SSBP3: variants seen among roughly 807,000 people sequenced by gnomAD.
SSBP3 encodes single stranded DNA binding protein 3.
SSBP3 carries 5 observed loss-of-function variants against 69.6 expected under a neutral mutation model. That is an observed-to-expected ratio of 0.07 (90% CI 0.04 to 0.15). SSBP3 has a LOEUF of 0.15. SSBP3 is among the 10% of genes least tolerant of loss of function. The pLI is 1.00. For synonymous variants in SSBP3, 196 were observed against 193.4 expected, an observed-to-expected ratio of 1.01 and a Z score of -0.11; for missense variants, 312 against 534.0, an observed-to-expected ratio of 0.58 and a Z score of 4.10.
intron 4 of SSBP3, among the ~76,000 whole-genome samples, chr1:54,349,027 A>G (rs941558516): frequency 6.6e-6 from 1 of 152,218 alleles, no homozygotes; most frequent in African/African-American, 2.4e-5. Context: ...ACAGGTAAGC[A>G]CCTACCCATT....
intron 4 of SSBP3, among the ~76,000 whole-genome samples, chr1:54,341,325 G>A (rs1027901601): frequency 1.1e-4 from 16 of 152,108 alleles, no homozygotes; most frequent in African/African-American, 3.6e-4. Flanking sequence ...CTGGCCAGAC[G>A]TCTCCCCTTT....
At chr1:54,368,158 C>A (rs1461838644) in intron 4 of SSBP3, among the ~76,000 whole-genome samples, 1 of 151,786 alleles carries the variant, frequency 6.6e-6, no homozygotes, top group African/African-American at 2.4e-5. Flanking sequence ...AAAAGTTAGC[C>A]ATGGTGGTGC....
At chr1:54,345,386 C>T (rs988467981) in intron 4 of SSBP3, among the ~76,000 whole-genome samples, 2 of 152,120 alleles carry the variant, frequency 1.3e-5, no homozygotes, top group African/African-American at 4.8e-5. Context: ...AAAAACCACC[C>T]GAGTCTCAGC....
chr1:54,351,342 A>G (rs1210162692), intron 4 of SSBP3, among the ~76,000 whole-genome samples: 1 of 152,228 alleles, frequency 6.6e-6, no homozygotes, highest in Non-Finnish European at 1.5e-5. Context: ...CAGGTATAAA[A>G]TGGCAGCAAT....
At chr1:54,260,133 G>C (rs1171814369) in intron 5 of SSBP3, among the ~76,000 whole-genome samples, 3 of 152,178 alleles carry the variant, frequency 2.0e-5, no homozygotes, top group East Asian at 3.9e-4. Flanking sequence ...CAAGTCTTTT[G>C]TACCACGTAA....
chr1:54,405,289 G>A (rs1007419248), intron 1 of SSBP3, among the ~76,000 whole-genome samples: 17 of 152,146 alleles, frequency 1.1e-4, no homozygotes, highest in Non-Finnish European at 5.9e-5. Flanking sequence ...AGCTTTGGAG[G>A]TCCGAGGAGA....
At chr1:54,361,620 G>A (rs1646953866) in intron 4 of SSBP3, among the ~76,000 whole-genome samples, 1 of 152,122 alleles carries the variant, frequency 6.6e-6, no homozygotes, top group African/African-American at 2.4e-5. Context: ...TGCGGAACCT[G>A]TTCTCGCAGA....
intron 4 of SSBP3, among the ~76,000 whole-genome samples, chr1:54,379,040 A>G (rs1209407076): frequency 6.6e-6 from 1 of 152,042 alleles, no homozygotes; most frequent in Non-Finnish European, 1.5e-5. Flanking sequence ...CCCCGCCCCA[A>G]CCCACTTGTT....
chr1:54,412,678 A>G (rs1650022119), intron 1 of SSBP3: 1 of 152,216 alleles, frequency 6.6e-6, no homozygotes, highest in Non-Finnish European at 1.5e-5. Flanking sequence ...GTACGCTATA[A>G]AAGAGTTACA....
At chr1:54,346,614 A>T (rs889374527) in intron 4 of SSBP3, among the ~76,000 whole-genome samples, 2 of 152,058 alleles carry the variant, frequency 1.3e-5, no homozygotes, top group African/African-American at 4.8e-5. Context: ...GGAGATCGAG[A>T]CCATCCTGAC....
intron 4 of SSBP3, among the ~76,000 whole-genome samples, chr1:54,283,988 A>T (rs956321820): frequency 6.6e-5 from 10 of 152,122 alleles, no homozygotes; most frequent in African/African-American, 2.4e-4. Flanking sequence ...AGAGCAAAAA[A>T]CTTTTTTTAA....
intron 4 of SSBP3, among the ~76,000 whole-genome samples, chr1:54,363,257 AGT>A (rs1255032332): frequency 6.6e-6 from 1 of 152,190 alleles, no homozygotes; most frequent in Non-Finnish European, 1.5e-5. Flanking sequence ...CTAACCACAC[AGT>A]GCCTTGTTTC....
chr1:54,253,088 G>A (rs188894383), intron 7 of SSBP3, among the ~76,000 whole-genome samples: 22 of 152,178 alleles, frequency 1.4e-4, no homozygotes, highest in African/African-American at 2.4e-4. Context: ...ACAGGGGAGC[G>A]GGTATGTGTG....
chr1:54,236,535 A>G (rs1228553535), intron 14 of SSBP3: 1 of 152,230 alleles, frequency 6.6e-6, no homozygotes, highest in East Asian at 1.9e-4. Context: ...TTGGCCTCCC[A>G]AAGTGCTCGG....
chr1:54,228,354 A>G (rs2100546931), exon 17 of SSBP3: 2 of 1,614,128 alleles, frequency 1.2e-6, no homozygotes, highest in South Asian at 1.1e-5. Context: ...TGTTAGGAGA[A>G]TTCTGTGGAA....
chr1:54,356,619 G>A (rs1646871100), intron 4 of SSBP3: 1 of 152,188 alleles, frequency 6.6e-6, no homozygotes, highest in Non-Finnish European at 1.5e-5. Flanking sequence ...GTTGTCTGAT[G>A]GGCGCCGTCT....
intron 4 of SSBP3, among the ~76,000 whole-genome samples, chr1:54,345,415 G>C (rs1476763571): frequency 6.6e-6 from 1 of 151,930 alleles, no homozygotes; most frequent in African/African-American, 2.4e-5. Flanking sequence ...CCAGGGAAAA[G>C]ACCAAGGCAC....
chr1:54,409,654 A>G (rs907567954), upstream of SSBP3, among the ~76,000 whole-genome samples: 7 of 152,246 alleles, frequency 4.6e-5, no homozygotes, highest in Middle Eastern at 3.4e-3. Flanking sequence ...GGAACTCTGT[A>G]CTTTCAGTTT....
intron 4 of SSBP3, among the ~76,000 whole-genome samples, chr1:54,357,866 C>CA (rs1646893152): frequency 2.0e-5 from 3 of 152,228 alleles, no homozygotes; most frequent in African/African-American, 7.2e-5. Context: ...TCCACATGCA[C>CA]AGCAGTCATC....
Sources: gnomAD v4.1 joint callset for allele counts (sites outside exome capture counted in the v4.1 genomes callset) on GRCh38, gnomAD v4.1.1 for gene constraint, MANE v1.5 for transcripts, NCBI Gene and HGNC (gene_info 2026-07-23, HGNC 2026-07-21) for gene names.